The following LMNB1 variants were observed in gnomAD, a reference collection of about 807,000 sequenced individuals.
LMNB1 encodes lamin B1.
LMNB1 carries 23 observed loss-of-function variants against 67.1 expected under a neutral mutation model. That is an observed-to-expected ratio of 0.34 (90% CI 0.25 to 0.49). The LOEUF (loss-of-function observed/expected upper bound fraction) is 0.49, where lower values mean the gene tolerates loss of function less well. Ranked by LOEUF, LMNB1 falls within the 20% of genes least tolerant of loss-of-function variation. LMNB1 has a pLI of 0.99. For synonymous variants in LMNB1, 281 were observed against 282.9 expected, an observed-to-expected ratio of 0.99 and a Z score of 0.07; for missense variants, 634 against 746.5, an observed-to-expected ratio of 0.85 and a Z score of 1.76.
intron 1 of LMNB1, among the ~76,000 whole-genome samples, chr5:126,781,582 G>A (rs1453672596): frequency 6.6e-6 from 1 of 151,836 alleles, no homozygotes; most frequent in East Asian, 1.9e-4. Context: ...GATTACAGGT[G>A]TGCACCACCA....
chr5:126,820,368 T>C (rs1374646889), intron 6 of LMNB1, among the ~76,000 whole-genome samples: 1 of 152,082 alleles, frequency 6.6e-6, no homozygotes, highest in East Asian at 1.9e-4. Context: ...ATTACTTCCA[T>C]CCCTAGAGAA....
intron 1 of LMNB1, among the ~76,000 whole-genome samples, chr5:126,789,147 A>G (rs975065954): frequency 1.3e-5 from 2 of 151,934 alleles, no homozygotes; most frequent in African/African-American, 2.4e-5. Flanking sequence ...TCGGCCTCTC[A>G]AAGTGTTGGG....
chr5:126,786,014 G>T (rs1012293019), intron 1 of LMNB1, among the ~76,000 whole-genome samples: 10 of 151,862 alleles, frequency 6.6e-5, no homozygotes, highest in African/African-American at 2.2e-4. Flanking sequence ...ACTCCCTTTG[G>T]GGGGTGGGGG....
chr5:126,793,612 C>G (rs370724340), intron 1 of LMNB1, among the ~76,000 whole-genome samples: 2 of 152,072 alleles, frequency 1.3e-5, no homozygotes, highest in South Asian at 2.1e-4. Context: ...TGGTGGCTCA[C>G]GCCTGTAATC....
chr5:126,777,423 T>C lies in LMNB1; in HGVS notation c.-86T>C. 8.0e-7 allele frequency: 1 copy of C among 1,248,230 alleles called. No homozygotes were observed. Among genetic ancestry groups the C allele is most frequent in the Non-Finnish European group, 1.0e-6 (1 of 997,834 alleles). 77.3% of individuals were successfully genotyped at this position (1,248,230 alleles called of 1,614,324 possible). ...TGAGCGCAGGTCGCCGGTTTGTGCC[T>C]TCGGTCCCCGCTTCGCCCCCTGCCG... On this transcript the variant is annotated 5_prime_UTR_variant, in exon 1 of 11. Coordinates refer to ENST00000261366, the MANE Select transcript of LMNB1 (RefSeq NM_005573.4).
At chr5:126,791,892 C>T (rs1750967339) in intron 1 of LMNB1, among the ~76,000 whole-genome samples, 1 of 151,782 alleles carries the variant, frequency 6.6e-6, no homozygotes, top group Admixed American at 6.6e-5. Flanking sequence ...AAGTGATTCT[C>T]ATGCCCCAGC....
At chr5:126,795,120 A>ATTCCTT (rs1341390062) in intron 1 of LMNB1, among the ~76,000 whole-genome samples, 2 of 101,148 alleles carry the variant, frequency 2.0e-5, no homozygotes, top group African/African-American at 3.3e-5. Flanking sequence ...ATGCTAACTA[A>ATTCCTT]TTCCTTTTCC....
intron 1 of LMNB1, among the ~76,000 whole-genome samples, chr5:126,794,719 A>AC: frequency 6.6e-6 from 1 of 152,316 alleles, no homozygotes; most frequent in South Asian, 2.1e-4. Context: ...CTCTGTATGT[A>AC]CAGTGGGTCT....
intron 7 of LMNB1, among the ~76,000 whole-genome samples, chr5:126,822,089 G>A (rs1561752249): frequency 2.0e-5 from 3 of 148,894 alleles, no homozygotes; most frequent in Non-Finnish European, 3.0e-5. Flanking sequence ...TCCACCTCTT[G>A]GGTTCAAGAG....
chr5:126,785,956 G>A (rs1291404052), intron 1 of LMNB1, among the ~76,000 whole-genome samples: 3 of 151,782 alleles, frequency 2.0e-5, no homozygotes, highest in African/African-American at 7.2e-5. Flanking sequence ...AGAGGTTGCA[G>A]TGAGCCGAGA....
intron 1 of LMNB1, among the ~76,000 whole-genome samples, chr5:126,796,782 CTTTCTT>C (rs1288477861): frequency 1.6e-5 from 2 of 125,630 alleles, no homozygotes; most frequent in African/African-American, 6.0e-5. Context: ...TTTCTTTTTT[CTTTCTT>C]TTTTTTTTTT....
intron 1 of LMNB1, among the ~76,000 whole-genome samples, chr5:126,792,934 T>C (rs530802772): frequency 7.2e-4 from 109 of 152,284 alleles, no homozygotes; most frequent in Non-Finnish European, 1.3e-3. Context: ...TTAGAAATGA[T>C]TTTTAGAGAG....
chr5:126,791,386 C>T (rs563264096), intron 1 of LMNB1, among the ~76,000 whole-genome samples: 33 of 152,106 alleles, frequency 2.2e-4, no homozygotes, highest in South Asian at 1.0e-3. Context: ...TATTTTTTCT[C>T]TACTAAGAGA....
chr5:126,822,299 C>G (rs1751889467), intron 7 of LMNB1, among the ~76,000 whole-genome samples: 1 of 152,092 alleles, frequency 6.6e-6, no homozygotes, highest in Non-Finnish European at 1.5e-5. Context: ...CCCACTGACC[C>G]TTTTTTTGAG....
chr5:126,792,219 TG>T (rs1163727620), intron 1 of LMNB1, among the ~76,000 whole-genome samples: 1 of 149,484 alleles, frequency 6.7e-6, no homozygotes, highest in East Asian at 2.1e-4. Context: ...CCCAGCTCAC[TG>T]CAACCTCCGC....
chr5:126,799,308 G>A (rs1246422005), intron 1 of LMNB1, among the ~76,000 whole-genome samples: 1 of 152,166 alleles, frequency 6.6e-6, no homozygotes, highest in Non-Finnish European at 1.5e-5. Flanking sequence ...CACCGCGCCC[G>A]GCCGCGATGC....
chr5:126,785,415 C>T (rs1278095213), intron 1 of LMNB1, among the ~76,000 whole-genome samples: 4 of 151,854 alleles, frequency 2.6e-5, no homozygotes, highest in Admixed American at 2.6e-4. Context: ...CCTCAGCCTC[C>T]TGATTAGCTG....
chr5:126,777,960 C>T (rs913724243), intron 1 of LMNB1, 93 bp downstream of exon 1: 10 of 1,217,148 alleles, frequency 8.2e-6, no homozygotes, highest in Non-Finnish European at 7.6e-6. Context: ...GGGGAGGGAG[C>T]AGAGGCCAGG....
chr5:126,800,982 A>ATCTATAATTTTTTTTT, intron 1 of LMNB1, among the ~76,000 whole-genome samples: 1 of 18,632 alleles, frequency 5.4e-5, no homozygotes, highest in Non-Finnish European at 1.0e-4. Flanking sequence ...TATATATATA[A>ATCTATAATTTTTTTTT]TTTTTTTTTT....
Sources: gnomAD v4.1 joint callset for allele counts (sites outside exome capture counted in the v4.1 genomes callset) on GRCh38, gnomAD v4.1.1 for gene constraint, MANE v1.5 for transcripts, NCBI Gene and HGNC (gene_info 2026-07-23, HGNC 2026-07-21) for gene names.